The following SP4 variants were observed in gnomAD, a reference collection of about 807,000 sequenced individuals.
SP4 encodes the protein transcription factor Sp4.
A neutral mutation model predicts 72.8 loss-of-function variants in SP4; 19 were observed. That is an observed-to-expected ratio of 0.26 (90% CI 0.18 to 0.38). SP4 has a LOEUF of 0.38. Ranked by LOEUF, SP4 falls within the 10% of genes least tolerant of loss-of-function variation. The pLI, the probability that SP4 is intolerant of heterozygous loss-of-function variation, is 1.00. For missense variants in SP4, 1,008 were observed against 926.3 expected (o/e 1.09, Z -1.14); for synonymous variants, 395 against 333.1 (o/e 1.19, Z -2.02).
chr7:21,432,614 C>T (rs1205139585), intron 3 of SP4, among the ~76,000 whole-genome samples: 2 of 152,172 alleles, frequency 1.3e-5, no homozygotes, highest in Admixed American at 1.3e-4. Context: ...AAAATAAACA[C>T]AGGATCCAGT....
chr7:21,494,281 C>A (rs1034471800), intron 5 of SP4, among the ~76,000 whole-genome samples: 1 of 152,038 alleles, frequency 6.6e-6, no homozygotes, highest in Non-Finnish European at 1.5e-5. Context: ...GAATTTCTAC[C>A]CAGTGCAGTA....
intron 3 of SP4, among the ~76,000 whole-genome samples, chr7:21,442,006 T>G (rs865808270): frequency 5.4e-5 from 7 of 130,532 alleles, no homozygotes; most frequent in South Asian, 4.9e-4. Flanking sequence ...GTGTGTGTGT[T>G]TGTGTGTGTG....
At position 21,479,263 on chromosome 7, in the gene SP4, T is replaced by G. The variant is rs1245449993; in HGVS notation, c.1907+1956T>G. Among the ~76,000 whole-genome samples, 3 of 140,532 alleles carry G rather than the reference T, an allele frequency of 2.1e-5. No homozygotes were observed. In the East Asian group the frequency reaches 9.5e-4, roughly 44 times the overall value. The allele number at this position is 140,532 out of a possible 152,430, so 92.2% of individuals were successfully genotyped here. Reference sequence around the variant, plus strand: ...ATCCGAAGTCATTAAGATTCCTAGTTGTTTTTTTTTTTTAAGATAATTTTA... The same window carrying G: ...ATCCGAAGTCATTAAGATTCCTAGTGGTTTTTTTTTTTTAAGATAATTTTA... On this transcript the variant is annotated intron_variant, in intron 4 of 5. Transcript: ENST00000222584.
intron 5 of SP4, chr7:21,482,930 C>G (rs1259776346): frequency 1.5e-5 from 3 of 196,766 alleles, no homozygotes; most frequent in Admixed American, 6.5e-5. Context: ...GAGGTTATTG[C>G]TAGGGTTTGT....
chr7:21,468,491 G>A (rs1247914123), intron 3 of SP4, among the ~76,000 whole-genome samples: 1 of 150,160 alleles, frequency 6.7e-6, no homozygotes, highest in Admixed American at 6.6e-5. Context: ...TCAGATATTT[G>A]TGGTTATTGT....
At chr7:21,491,442 T>C (rs1420885551) in intron 5 of SP4, among the ~76,000 whole-genome samples, 1 of 152,116 alleles carries the variant, frequency 6.6e-6, no homozygotes, top group East Asian at 1.9e-4. Context: ...TAAAAGGTCT[T>C]AAATTTGTGT....
At chr7:21,470,860 G>T (rs1328069115) in intron 3 of SP4, among the ~76,000 whole-genome samples, 1 of 151,158 alleles carries the variant, frequency 6.6e-6, no homozygotes, top group Non-Finnish European at 1.5e-5. Flanking sequence ...AAAAATAAAA[G>T]AACGGCCATC....
intron 3 of SP4, among the ~76,000 whole-genome samples, chr7:21,461,493 A>G (rs1455864998): frequency 6.6e-6 from 1 of 152,116 alleles, no homozygotes; most frequent in African/African-American, 2.4e-5. Flanking sequence ...TAAGCCCCTC[A>G]CTGCCGGGGG....
At chr7:21,487,464 A>T (rs1400490914) in intron 5 of SP4, among the ~76,000 whole-genome samples, 11 of 115,346 alleles carry the variant, frequency 9.5e-5, no homozygotes, top group Non-Finnish European at 3.6e-5. Flanking sequence ...TTGTCTCATT[A>T]CCATTTTATT....
At chr7:21,490,770 G>A (rs1476622557) in intron 5 of SP4, among the ~76,000 whole-genome samples, 1 of 152,188 alleles carries the variant, frequency 6.6e-6, no homozygotes. Context: ...AAGGCCTCAA[G>A]AACTAAACAT....
At chr7:21,489,863 C>G (rs1225904287) in intron 5 of SP4, among the ~76,000 whole-genome samples, 1 of 151,836 alleles carries the variant, frequency 6.6e-6, no homozygotes, top group Non-Finnish European at 1.5e-5. Context: ...CAGCCCCAGG[C>G]TGGCGTTAAA....
chr7:21,511,136 T>C lies in SP4; in HGVS notation c.2222T>C (p.Ile741Thr). Residue 741 changes from isoleucine to threonine, a missense_variant, in exon 6 of 6, where the codon ATT (isoleucine) becomes ACT (threonine). Ile to Thr is a moderately conservative substitution (Grantham distance 89). Around this residue, in one of 3 missense-constraint regions of SP4, gnomAD observed 67 missense variants for 66.1 expected, o/e 1.01. Transcript: ENST00000222584. ...AAAGGTGGTGGGACAGCTCTTGCCATTGTTACCTCGGGAGAACTGGACTCA... is the reference window on the plus strand; with the variant it reads ...AAAGGTGGTGGGACAGCTCTTGCCACTGTTACCTCGGGAGAACTGGACTCA... ...NKKGGGTALA[I>T]VTSGELDSSV... 1 of 1,614,194 alleles carries C rather than the reference T, an allele frequency of 6.2e-7. No individual in the cohort carries two copies. Among genetic ancestry groups the C allele is most frequent in the Non-Finnish European group, 8.5e-7 (1 of 1,180,030 alleles).
intron 5 of SP4, among the ~76,000 whole-genome samples, chr7:21,502,607 G>A (rs1781899615): frequency 6.6e-6 from 1 of 152,102 alleles, no homozygotes; most frequent in African/African-American, 2.4e-5. Flanking sequence ...AGTTACTCTT[G>A]TTGAGGGCTT....
chr7:21,431,378 G>T (rs1384373390), intron 3 of SP4, among the ~76,000 whole-genome samples: 1 of 152,158 alleles, frequency 6.6e-6, no homozygotes, highest in East Asian at 1.9e-4. Flanking sequence ...TACTGATGCA[G>T]TTGAGAGATA....
In SP4 at chr7:21,477,200, A is replaced by G. The variant is rs754032949; in HGVS notation, c.1800A>G (p.Gln600=). The stretch of plus-strand genomic sequence containing the variant: ...CTGTTAGTCCTGACCAACTCACACA[A>G]GTGCATTTGCAGCAAGGCCAGCAGA... ...IGAVSPDQLT[Q]VHLQQGQQTS... The change falls in exon 4 of 6, where the codon CAA becomes CAG. Residue 600 remains glutamine, a synonymous_variant. Transcript: ENST00000222584. 6.2e-7 allele frequency: 1 copy of G among 1,614,218 alleles called. No individual in the cohort carries two copies. Among genetic ancestry groups the G allele is most frequent in the Non-Finnish European group, 8.5e-7 (1 of 1,180,016 alleles).
At chr7:21,481,178 C>G (rs1180621435) in intron 4 of SP4, among the ~76,000 whole-genome samples, 1 of 152,178 alleles carries the variant, frequency 6.6e-6, no homozygotes, top group Non-Finnish European at 1.5e-5. Context: ...GGACTTGGTT[C>G]TGCTACACTT....
chr7:21,496,727 C>G (rs1274141881), intron 5 of SP4, among the ~76,000 whole-genome samples: 2 of 151,560 alleles, frequency 1.3e-5, no homozygotes, highest in African/African-American at 4.8e-5. Flanking sequence ...TTCAAATATT[C>G]TTTCTTTAAA....
At chr7:21,459,887 C>T (rs940956710) in intron 3 of SP4, among the ~76,000 whole-genome samples, 2 of 152,000 alleles carry the variant, frequency 1.3e-5, no homozygotes, top group Non-Finnish European at 2.9e-5. Context: ...CCTTTGCCTT[C>T]CAAAAGGTTA....
intron 2 of SP4, 27 bp from the exon 3 acceptor site, chr7:21,429,262 T>G: frequency 1.9e-5 from 20 of 1,063,376 alleles, no homozygotes; most frequent in Middle Eastern, 2.2e-4. Context: ...CCCCCCCCCC[T>G]CTCCTTTACC....
Sources: gnomAD v4.1 joint callset for allele counts (sites outside exome capture counted in the v4.1 genomes callset) on GRCh38, gnomAD v4.1.1 for gene constraint, gnomAD v4.1.1 regional missense constraint, MANE v1.5 for transcripts, NCBI Gene and HGNC (gene_info 2026-07-23, HGNC 2026-07-21) for gene names.